The following RPTOR variants were observed in gnomAD, a reference collection of about 807,000 sequenced individuals.
The protein encoded by RPTOR is regulatory associated protein of MTOR complex 1.
RPTOR carries 21 observed loss-of-function variants against 169.9 expected under a neutral mutation model. That is an observed-to-expected ratio of 0.12 (90% CI 0.09 to 0.18). RPTOR has a LOEUF of 0.18. RPTOR is among the 10% of genes least tolerant of loss of function. The pLI is 1.00. For missense variants in RPTOR, 1,133 were observed against 1,855.9 expected (o/e 0.61, Z 7.16); for synonymous variants, 732 against 753.2 (o/e 0.97, Z 0.46).
At chr17:80,779,165 G>A (rs989937116) in intron 6 of RPTOR, among the ~76,000 whole-genome samples, 21 of 152,180 alleles carry the variant, frequency 1.4e-4, no homozygotes, top group Non-Finnish European at 2.9e-5. Flanking sequence ...GGTCCTGCCG[G>A]ACTAGGCATG....
chr17:80,862,571 C>A (rs891580998), intron 13 of RPTOR, among the ~76,000 whole-genome samples: 2 of 150,866 alleles, frequency 1.3e-5, no homozygotes, highest in African/African-American at 5.0e-5. Flanking sequence ...TCTGCTCCGC[C>A]CCCTCGTGTT....
At chr17:80,674,419 G>A (rs553586097) in intron 3 of RPTOR, among the ~76,000 whole-genome samples, 36 of 152,168 alleles carry the variant, frequency 2.4e-4, no homozygotes, top group Non-Finnish European at 5.0e-4. Context: ...TCACAGGGAG[G>A]CTGGAAAATA....
At chr17:80,774,886 G>A (rs184089005) in intron 6 of RPTOR, among the ~76,000 whole-genome samples, 3 of 152,326 alleles carry the variant, frequency 2.0e-5, no homozygotes, top group East Asian at 1.9e-4. Flanking sequence ...CCCCTCTGCC[G>A]TGGAAGGTTT....
At chr17:80,924,641 C>T (rs751996736) in intron 23 of RPTOR, among the ~76,000 whole-genome samples, 2 of 151,682 alleles carry the variant, frequency 1.3e-5, no homozygotes, top group Non-Finnish European at 1.5e-5. Flanking sequence ...GCTACCGGCA[C>T]GTGCAGCTCA....
rs371137283 is a variant in RPTOR, at chr17:80,928,592, T to G, written c.2919+3112T>G. On this transcript the variant is annotated intron_variant, in intron 24 of 33. Transcript: ENST00000306801. ...AGCGTCTGCTAACGTTTTTATTAGTTCACCGTCAGATTTCGTACAGGTCCG... is the reference window on the plus strand; with the variant it reads ...AGCGTCTGCTAACGTTTTTATTAGTGCACCGTCAGATTTCGTACAGGTCCG... Among the ~76,000 whole-genome samples, 80 of 152,338 alleles carry G rather than the reference T, an allele frequency of 5.3e-4. 1 individual carries two copies. In the South Asian group the frequency reaches 5.4e-3, roughly 10 times the overall value.
chr17:80,962,654 C>A, intron 32 of RPTOR, 77 bp downstream of exon 32: 1 of 1,361,026 alleles, frequency 7.3e-7, no homozygotes, highest in Non-Finnish European at 1.0e-6. Context: ...CTCTTGTGTT[C>A]CTGCCCCCAG....
chr17:80,552,657 G>C (rs2084359645), intron 1 of RPTOR, among the ~76,000 whole-genome samples: 1 of 152,158 alleles, frequency 6.6e-6, no homozygotes. Flanking sequence ...TTATCTTTAA[G>C]GCTCAACAGC....
intron 7 of RPTOR, among the ~76,000 whole-genome samples, chr17:80,808,634 G>A (rs2067242839): frequency 6.6e-6 from 1 of 152,170 alleles, no homozygotes; most frequent in Non-Finnish European, 1.5e-5. Context: ...ACCACAGTCA[G>A]CGTATATCCC....
chr17:80,707,252 G>T lies in RPTOR; in HGVS notation c.349-589G>T, dbSNP rs2066148967. On this transcript the variant is annotated intron_variant, in intron 3 of 33. Transcript: ENST00000306801. The surrounding 1 kb of genome is among the most constrained non-coding windows in gnomAD (Gnocchi z 5.0). The stretch of plus-strand genomic sequence containing the variant: ...TTTCAGAAGGACCGCGTACTTCTGA[G>T]AAACACTTGGTACCCCAGTGGCAGC... Among the ~76,000 whole-genome samples the T allele has an allele frequency of 6.6e-6, 1 of 152,196 alleles. No individual in the cohort carries two copies. The highest frequency in any genetic ancestry group is 1.5e-5 in the Non-Finnish European group (1 of 68,042).
At chr17:80,710,980 G>A (rs1439635943) in intron 4 of RPTOR, among the ~76,000 whole-genome samples, 1 of 152,200 alleles carries the variant, frequency 6.6e-6, no homozygotes, top group Non-Finnish European at 1.5e-5. Context: ...AGCTCTCTGG[G>A]TGGTATTTTG....
At chr17:80,958,457 C>A (rs2069287322) in intron 29 of RPTOR, among the ~76,000 whole-genome samples, 2 of 131,016 alleles carry the variant, frequency 1.5e-5, no homozygotes, top group South Asian at 4.8e-4. Context: ...GTCGCCCAGG[C>A]TGGAGTGCAG....
intron 3 of RPTOR, among the ~76,000 whole-genome samples, chr17:80,678,800 CT>C (rs1300024931): frequency 6.6e-6 from 1 of 152,196 alleles, no homozygotes; most frequent in Non-Finnish European, 1.5e-5. Context: ...CACTTGCGAT[CT>C]TTCCGGTTCA....
intron 3 of RPTOR, among the ~76,000 whole-genome samples, chr17:80,681,932 G>A (rs976766272): frequency 3.3e-5 from 5 of 151,838 alleles, no homozygotes; most frequent in South Asian, 4.2e-4. Flanking sequence ...ATATTCTCTC[G>A]GTGTATTAGA....
intron 9 of RPTOR, among the ~76,000 whole-genome samples, chr17:80,834,488 T>A (rs981032675): frequency 1.1e-4 from 16 of 152,116 alleles, no homozygotes; most frequent in Non-Finnish European, 1.9e-4. Flanking sequence ...TGTGCATCAG[T>A]GAAACCAGAA....
chr17:80,712,013 G>C (rs2066197748), intron 4 of RPTOR, among the ~76,000 whole-genome samples: 1 of 151,828 alleles, frequency 6.6e-6, no homozygotes, highest in South Asian at 2.1e-4. Flanking sequence ...CAAAGTGCTG[G>C]GATTACAGGC....
At chr17:80,635,597 G>A (rs1004762569) in intron 2 of RPTOR, among the ~76,000 whole-genome samples, 1 of 152,108 alleles carries the variant, frequency 6.6e-6, no homozygotes, top group African/African-American at 2.4e-5. Context: ...GGAGAAGAGG[G>A]CTCATTGTAG....
At chr17:80,900,990 A>G (rs2068469458) in intron 20 of RPTOR, among the ~76,000 whole-genome samples, 1 of 152,202 alleles carries the variant, frequency 6.6e-6, no homozygotes, top group Non-Finnish European at 1.5e-5. Context: ...GGCGAAGGCT[A>G]CAGAAAGTTC....
intron 24 of RPTOR, among the ~76,000 whole-genome samples, chr17:80,929,121 A>G (rs1449203803): frequency 1.3e-5 from 2 of 152,268 alleles, no homozygotes; most frequent in African/African-American, 4.8e-5. Flanking sequence ...ACTTAGTAGG[A>G]GAGTTAATTT....
At chr17:80,629,822 A>C (rs1170696472) in intron 2 of RPTOR, among the ~76,000 whole-genome samples, 3 of 149,630 alleles carry the variant, frequency 2.0e-5, no homozygotes, top group South Asian at 4.3e-4. Flanking sequence ...TCAGCTCTCT[A>C]TGTTTTGTGC....
Sources: gnomAD v4.1 joint callset for allele counts (sites outside exome capture counted in the v4.1 genomes callset) on GRCh38, gnomAD v4.1.1 for gene constraint, Gnocchi (gnomAD v3.1) non-coding constraint, MANE v1.5 for transcripts, NCBI Gene and HGNC (gene_info 2026-07-23, HGNC 2026-07-21) for gene names.